The following PTPRN2 variants were observed in gnomAD, a reference collection of about 807,000 sequenced individuals.
PTPRN2 encodes receptor-type tyrosine-protein phosphatase N2.
PTPRN2 carries 74 observed loss-of-function variants against 118.8 expected under a neutral mutation model. The ratio of observed to expected loss-of-function variants is 0.62; its 90% confidence interval spans 0.52 to 0.76. The LOEUF is 0.76. PTPRN2 is among the 30% of genes least tolerant of loss of function. The pLI is 0.00. For synonymous variants in PTPRN2, 641 were observed against 608.0 expected (o/e 1.05, Z -0.80); for missense variants, 1,481 against 1,394.4 (o/e 1.06, Z -0.99).
At chr7:158,037,703 A>T (rs1387587720) in intron 11 of PTPRN2, among the ~76,000 whole-genome samples, 2 of 152,234 alleles carry the variant, frequency 1.3e-5, no homozygotes, top group African/African-American at 4.8e-5. Flanking sequence ...TCCAAACTAA[A>T]CTATACATTA....
chr7:158,036,181 A>G (rs1327734503), intron 11 of PTPRN2, among the ~76,000 whole-genome samples: 1 of 152,246 alleles, frequency 6.6e-6, no homozygotes, highest in Non-Finnish European at 1.5e-5. Context: ...ATGCAAAACC[A>G]CAAGAAACTG....
chr7:158,151,063 G>A lies in PTPRN2; in HGVS notation c.911-12548C>T, dbSNP rs377757786. 5.1e-3 allele frequency among the ~76,000 whole-genome samples: 595 copies of A among 117,354 alleles called. 36 individuals are homozygous for A. The highest frequency in any genetic ancestry group is 5.8e-3 in the Non-Finnish European group (315 of 53,862). 77.0% of individuals were successfully genotyped at this position (117,354 alleles called of 152,430 possible). A position where few individuals can be genotyped will look rare whatever the true frequency, so the allele number is the denominator to read the frequency against. On this transcript the variant is annotated intron_variant, in intron 6 of 22. Coordinates refer to ENST00000389418, the MANE Select transcript of PTPRN2 (RefSeq NM_002847.5). ...CTGCCCCTGCCTGCCCACACTGCCC[G>A]CCTTTCCACTCTTGCCCCTGCCTGC...
In PTPRN2 at chr7:157,611,865, G is replaced by A. The variant is rs899639163; in HGVS notation, c.2345-7790C>T. ...GGGGACACGCGGAGGGAGAGCGCCCGTGTGAAGACGAAGACAGCCGCAGTC... is the reference window on the plus strand; with the variant it reads ...GGGGACACGCGGAGGGAGAGCGCCCATGTGAAGACGAAGACAGCCGCAGTC... On this transcript the variant is annotated intron_variant, in intron 15 of 22. Coordinates refer to ENST00000389418, the MANE Select transcript of PTPRN2 (RefSeq NM_002847.5). This position sits in a 1 kb window ranked among gnomAD's most constrained non-coding sequence, Gnocchi z 5.9. Among the ~76,000 whole-genome samples the A allele has an allele frequency of 4.7e-5, 7 of 149,668 alleles. No homozygotes were observed. The highest frequency in any genetic ancestry group is 1.3e-4 in the Admixed American group (2 of 15,124).
chr7:158,448,249 T>C lies in PTPRN2; in HGVS notation c.163+41486A>G, dbSNP rs189869621. On this transcript the variant is annotated intron_variant, in intron 2 of 22. Coordinates refer to ENST00000389418, the MANE Select transcript of PTPRN2 (RefSeq NM_002847.5). The stretch of plus-strand genomic sequence containing the variant: ...CCTTAGAACACAGAGAGAAGTGGAC[T>C]TGGAAGGATATAAATCAGAACGGTA... Among the ~76,000 whole-genome samples, 526 of 152,328 alleles carry C rather than the reference T, an allele frequency of 3.5e-3. 1 individual carries two copies. The highest frequency in any genetic ancestry group is 0.012 in the African/African-American group (488 of 41,574).
At position 158,177,941 on chromosome 7, in the gene PTPRN2, G is replaced by A. The variant is rs548680336; in HGVS notation, c.550-10650C>T. On this transcript the variant is annotated intron_variant, in intron 5 of 22. Coordinates refer to ENST00000389418, the MANE Select transcript of PTPRN2 (RefSeq NM_002847.5). The stretch of plus-strand genomic sequence containing the variant: ...TCACTTTTGAAGAAACTGTCAAGAC[G>A]TTTTCCAAATCGTTGTTAATGTTTT... Among the ~76,000 whole-genome samples the A allele has an allele frequency of 9.3e-4, 141 of 152,290 alleles. 1 individual carries two copies. Among genetic ancestry groups the A allele is most frequent in the East Asian group, 1.9e-3 (10 of 5,186 alleles).
Position 158,040,563 on chromosome 7 carries a change from A to G in PTPRN2, c.1723+40735T>C, listed in dbSNP as rs952419586. 4.6e-5 allele frequency among the ~76,000 whole-genome samples: 7 copies of G among 152,360 alleles called. No individual in the cohort carries two copies. The South Asian group carries it at 1.2e-3, about 27-fold the overall frequency. Reference sequence around the variant, plus strand: ...TTATGCTGGACTTCTTTTTAGGAAGAAGCGAGTAGAGAATGAAGTAAAATA... The same window carrying G: ...TTATGCTGGACTTCTTTTTAGGAAGGAGCGAGTAGAGAATGAAGTAAAATA... On this transcript the variant is annotated intron_variant, in intron 11 of 22. Coordinates refer to ENST00000389418, the MANE Select transcript of PTPRN2 (RefSeq NM_002847.5).
intron 12 of PTPRN2, among the ~76,000 whole-genome samples, chr7:157,812,568 A>G (rs986427792): frequency 6.6e-5 from 10 of 152,212 alleles, no homozygotes; most frequent in African/African-American, 2.4e-4. Flanking sequence ...TGGTGAAAAG[A>G]AAGAAGTTGT....
In PTPRN2 at chr7:157,615,060, G is replaced by C. The variant is rs934876930; in HGVS notation, c.2344+6302C>G. On this transcript the variant is annotated intron_variant, in intron 15 of 22. Transcript: ENST00000389418. The surrounding 1 kb of genome is among the most constrained non-coding windows in gnomAD (Gnocchi z 4.3). ...ACCTGCAGGCAGGCTAAAGTATTTG[G>C]ACGTCATGACGCCTGATACTTACTT... Among the ~76,000 whole-genome samples the C allele has an allele frequency of 1.1e-4, 16 of 152,234 alleles. No homozygotes were observed. The highest frequency in any genetic ancestry group is 3.9e-4 in the African/African-American group (16 of 41,462).
At chr7:158,292,237 T>C (rs2151023738) in intron 3 of PTPRN2, among the ~76,000 whole-genome samples, 1 of 152,346 alleles carries the variant, frequency 6.6e-6, no homozygotes, top group Admixed American at 6.5e-5. Context: ...GTGACGGTTC[T>C]TCCTTGTCTG....
rs755169292 is a variant in PTPRN2, at chr7:158,205,239, C to G, written c.312G>C (p.Val104=). The change falls in exon 4 of 23, where the codon GTG becomes GTC. Residue 104 remains valine, a synonymous_variant. Transcript: ENST00000389418. ...FTWQDDYTQY[V]MDQELADLPK... is the part of the protein sequence containing the mutation. ...GGAGGTCTGCAAGTTCCTGGTCCAT[C>G]ACATACTGAGTATAGTCATCCTGCC... 1 of 1,614,132 alleles carries G rather than the reference C, an allele frequency of 6.2e-7. No homozygotes were observed. The highest frequency in any genetic ancestry group is 8.5e-7 in the Non-Finnish European group (1 of 1,180,034).
chr7:158,156,070 A>AG (rs1188002808), intron 6 of PTPRN2, among the ~76,000 whole-genome samples: 1 of 152,138 alleles, frequency 6.6e-6, no homozygotes, highest in African/African-American at 2.4e-5. Flanking sequence ...TTCCAATATG[A>AG]GGGGGTAAGG....
At chr7:158,229,300 A>G (rs1415284204) in intron 3 of PTPRN2, among the ~76,000 whole-genome samples, 1 of 152,112 alleles carries the variant, frequency 6.6e-6, no homozygotes. Context: ...AGGAGACAAG[A>G]CTGGAGTAAA....
intron 2 of PTPRN2, 150 bp downstream of exon 2, chr7:158,489,585 T>A: frequency 1.4e-6 from 1 of 716,128 alleles, no homozygotes; most frequent in Non-Finnish European, 2.1e-6. Flanking sequence ...CCGCAGCCCA[T>A]GGCTCCGGGG....
At chr7:158,054,836 G>T (rs572930713) in intron 11 of PTPRN2, among the ~76,000 whole-genome samples, 1 of 152,312 alleles carries the variant, frequency 6.6e-6, no homozygotes, top group East Asian at 1.9e-4. Flanking sequence ...CTTCCCCTCT[G>T]TCCAATCCAT....
At chr7:158,543,284 T>C (rs80151171) in intron 1 of PTPRN2, among the ~76,000 whole-genome samples, 5,914 of 152,154 alleles carry the variant, frequency 0.039, 367 homozygotes, top group African/African-American at 0.13. Flanking sequence ...ACCCCGAGGC[T>C]CTGAAGGTGG....
At chr7:157,743,474 C>G (rs928157506) in intron 12 of PTPRN2, among the ~76,000 whole-genome samples, 4 of 152,242 alleles carry the variant, frequency 2.6e-5, no homozygotes, top group African/African-American at 9.7e-5. Context: ...CATTACCCTG[C>G]TTTTGTGACT....
At chr7:157,581,775 G>A (rs546149045) in intron 17 of PTPRN2, among the ~76,000 whole-genome samples, 1 of 152,350 alleles carries the variant, frequency 6.6e-6, no homozygotes, top group East Asian at 1.9e-4. Context: ...TGGTATCTAT[G>A]AATGTGGCCT....
intron 6 of PTPRN2, among the ~76,000 whole-genome samples, chr7:158,143,521 C>T (rs1819586438): frequency 6.6e-6 from 1 of 152,134 alleles, no homozygotes. Flanking sequence ...GACACCAGTC[C>T]CCGTGATGGA....
chr7:158,545,848 A>C (rs1229610361), intron 1 of PTPRN2, among the ~76,000 whole-genome samples: 1 of 152,070 alleles, frequency 6.6e-6, no homozygotes, highest in Non-Finnish European at 1.5e-5. Context: ...AAAATACAAA[A>C]ATTAGCTGGG....
Sources: allele counts gnomAD v4.1 joint callset (sites outside exome capture counted in the v4.1 genomes callset), GRCh38; gene constraint gnomAD v4.1.1; non-coding constraint Gnocchi (gnomAD v3.1); transcripts MANE v1.5; gene names NCBI Gene and HGNC (gene_info 2026-07-23, HGNC 2026-07-21).